The following PRKCI variants were observed in gnomAD, a reference collection of about 807,000 sequenced individuals.
PRKCI encodes protein kinase C iota.
A neutral mutation model predicts 84.0 loss-of-function variants in PRKCI; 43 were observed. The ratio of observed to expected loss-of-function variants is 0.51; its 90% CI spans 0.40 to 0.66. PRKCI has a LOEUF of 0.66. Among genes scored for constraint, PRKCI ranks in the 30% least tolerant of loss-of-function variants. PRKCI has a pLI of 0.00. For missense variants in PRKCI, 459 were observed against 745.6 expected, an observed-to-expected ratio of 0.62 and a Z score of 4.48; for synonymous variants, 216 against 234.4, an observed-to-expected ratio of 0.92 and a Z score of 0.72.
intron 5 of PRKCI, among the ~76,000 whole-genome samples, chr3:170,269,394 G>C (rs1002290166): frequency 1.1e-4 from 17 of 152,200 alleles, no homozygotes; most frequent in African/African-American, 3.6e-4. Context: ...GGGTGCAATG[G>C]CACATGCCTG....
chr3:170,240,524 A>G (rs1733102896), intron 2 of PRKCI, among the ~76,000 whole-genome samples: 2 of 152,180 alleles, frequency 1.3e-5, no homozygotes, highest in Non-Finnish European at 1.5e-5. Context: ...ACCTTGCTTA[A>G]TTCTGATACC....
chr3:170,280,187 G>T (rs904385869), intron 8 of PRKCI, 40 bp from the exon 9 acceptor site: 1 of 1,558,434 alleles, frequency 6.4e-7, no homozygotes, highest in African/African-American at 1.4e-5. Context: ...ACTACGCAAA[G>T]CATTTCCCAT....
chr3:170,276,158 C>T (rs372432065), intron 8 of PRKCI, among the ~76,000 whole-genome samples: 6 of 152,000 alleles, frequency 3.9e-5, no homozygotes, highest in East Asian at 3.9e-4. Flanking sequence ...AAGCTAGTCC[C>T]GAACTCCTGG....
At chr3:170,273,915 T>C (rs527251082) in intron 7 of PRKCI, among the ~76,000 whole-genome samples, 1 of 151,784 alleles carries the variant, frequency 6.6e-6, no homozygotes, top group African/African-American at 2.4e-5. Flanking sequence ...AAGGATCCCT[T>C]GAGCTCAGGA....
At chr3:170,256,896 T>C (rs191931485) in intron 2 of PRKCI, among the ~76,000 whole-genome samples, 58 of 152,236 alleles carry the variant, frequency 3.8e-4, no homozygotes, top group African/African-American at 1.3e-3. Context: ...TTTCAAGAAA[T>C]TTTTCAATTT....
chr3:170,247,695 A>G (rs1011701141), intron 2 of PRKCI, among the ~76,000 whole-genome samples: 2 of 135,578 alleles, frequency 1.5e-5, no homozygotes, highest in Non-Finnish European at 3.0e-5. Flanking sequence ...GTGCCATTGC[A>G]CTCCAGCCTG....
chr3:170,290,752 C>T (rs1168044757), intron 12 of PRKCI, among the ~76,000 whole-genome samples: 1 of 152,038 alleles, frequency 6.6e-6, no homozygotes, highest in African/African-American at 2.4e-5. Context: ...ATATTTGTTA[C>T]AATTTCTTGG....
chr3:170,263,512 T>C (rs1217863233), intron 4 of PRKCI, 83 bp downstream of exon 4: 1 of 1,261,196 alleles, frequency 7.9e-7, no homozygotes, highest in East Asian at 2.4e-5. Flanking sequence ...ATAGAATTTT[T>C]AGCTAGGTGC....
intron 2 of PRKCI, among the ~76,000 whole-genome samples, chr3:170,249,137 C>T (rs572025825): frequency 1.6e-4 from 25 of 152,070 alleles, no homozygotes; most frequent in Non-Finnish European, 2.6e-4. Context: ...CATGAGCTAC[C>T]GCGCCCGGCC....
intron 12 of PRKCI, among the ~76,000 whole-genome samples, chr3:170,291,380 T>C (rs1334597721): frequency 6.6e-6 from 1 of 152,132 alleles, no homozygotes; most frequent in Non-Finnish European, 1.5e-5. Flanking sequence ...TCAAGCTATT[T>C]AGTGGTGATC....
chr3:170,247,069 CT>C (rs1270101194), intron 2 of PRKCI, among the ~76,000 whole-genome samples: 2 of 151,720 alleles, frequency 1.3e-5, no homozygotes, highest in Non-Finnish European at 2.9e-5. Flanking sequence ...GCTTTTAAGA[CT>C]TTTTTGTTTT....
chr3:170,297,514 G>A, intron 16 of PRKCI, 121 bp downstream of exon 16: 1 of 769,644 alleles, frequency 1.3e-6, no homozygotes, highest in Non-Finnish European at 2.2e-6. Flanking sequence ...GAGTACAATG[G>A]CACGATCTCA....
chr3:170,251,577 A>G (rs1733446250), intron 2 of PRKCI, among the ~76,000 whole-genome samples: 1 of 152,198 alleles, frequency 6.6e-6, no homozygotes, highest in Non-Finnish European at 1.5e-5. Flanking sequence ...ATTACTTTTC[A>G]CCTATTGGAC....
intron 6 of PRKCI, among the ~76,000 whole-genome samples, chr3:170,272,374 A>G (rs1266691691): frequency 1.3e-5 from 2 of 152,224 alleles, no homozygotes; most frequent in Non-Finnish European, 2.9e-5. Context: ...TGCTTTGGAC[A>G]TTGTGAAAGC....
chr3:170,253,988 T>C (rs1733519823), intron 2 of PRKCI, among the ~76,000 whole-genome samples: 1 of 151,314 alleles, frequency 6.6e-6, no homozygotes, highest in Non-Finnish European at 1.5e-5. Flanking sequence ...TCCCAGCTAC[T>C]TGGGAGGCCG....
At chr3:170,226,773 A>G (rs962873492) in intron 1 of PRKCI, among the ~76,000 whole-genome samples, 3 of 152,170 alleles carry the variant, frequency 2.0e-5, no homozygotes, top group African/African-American at 7.2e-5. Flanking sequence ...AGGAAATACA[A>G]GTGGTATCTT....
rs956496483 is a variant in PRKCI at position 170,264,611 on chromosome 3, C to T, written c.364+1182C>T. Among the ~76,000 whole-genome samples the T allele has an allele frequency of 1.4e-4, 22 of 152,108 alleles. 1 individual carries two copies. Among genetic ancestry groups the T allele is most frequent in the Admixed American group, 5.9e-4 (9 of 15,262 alleles). ...ACTTATTAAATGTCTTTAAATATTG[C>T]AGACTTCCTACAGTTGACCCAGAGA... On this transcript the variant is annotated intron_variant, in intron 4 of 17. Transcript: ENST00000295797.
chr3:170,284,278 A>G (rs1416375055), intron 11 of PRKCI, among the ~76,000 whole-genome samples, 183 bp from the exon 12 acceptor site: 1 of 152,092 alleles, frequency 6.6e-6, no homozygotes, highest in Non-Finnish European at 1.5e-5. Context: ...TTAGACAGGA[A>G]CTTTTACAAT....
At chr3:170,222,828 T>G in intron 1 of PRKCI, 58 bp downstream of exon 1, 1 of 734,706 alleles carries the variant, frequency 1.4e-6, no homozygotes, top group Non-Finnish European at 1.7e-6. Context: ...CCACTCGGCC[T>G]GGAGGAGGGG....
Sources: gnomAD v4.1 joint callset for allele counts (sites outside exome capture counted in the v4.1 genomes callset) on GRCh38, gnomAD v4.1.1 for gene constraint, MANE v1.5 for transcripts, NCBI Gene and HGNC (gene_info 2026-07-23, HGNC 2026-07-21) for gene names.